COL5A2: variants seen among roughly 807,000 people sequenced by gnomAD.
The protein encoded by COL5A2 is collagen alpha-2(V) chain.
COL5A2 carries 23 observed loss-of-function variants against 208.2 expected under a neutral mutation model. That is an observed-to-expected ratio of 0.11 (90% CI 0.08 to 0.16). COL5A2 has a LOEUF of 0.16. COL5A2 is among the 10% of genes least tolerant of loss of function. The pLI is 1.00. For synonymous variants in COL5A2, 625 were observed against 628.5 expected (o/e 0.99, Z 0.08); for missense variants, 1,590 against 1,956.4 (o/e 0.81, Z 3.53).
At chr2:189,122,910 G>A (rs570891970) in intron 1 of COL5A2, among the ~76,000 whole-genome samples, 60 of 152,274 alleles carry the variant, frequency 3.9e-4, no homozygotes, top group Non-Finnish European at 7.2e-4. Context: ...GTAAAGCCAC[G>A]AGACACTAGG....
At chr2:189,417,159 T>A in the COL5A2 span, among the ~76,000 whole-genome samples, 1 of 152,194 alleles carries the variant, frequency 6.6e-6, no homozygotes, top group African/African-American at 2.4e-5. Context: ...ATTGTTTTGA[T>A]GTTGCGATTA....
chr2:189,125,674 G>T (rs891409005), intron 1 of COL5A2, among the ~76,000 whole-genome samples: 4 of 152,000 alleles, frequency 2.6e-5, no homozygotes, highest in African/African-American at 9.7e-5. Flanking sequence ...TAAGAATACA[G>T]TATATAACAC....
the COL5A2 span, among the ~76,000 whole-genome samples, chr2:189,411,641 G>C: frequency 7.7e-6 from 1 of 129,294 alleles, no homozygotes; most frequent in Non-Finnish European, 1.8e-5. Flanking sequence ...AAGTTATATA[G>C]GTGTTGAATC....
At chr2:189,420,693 C>T in the COL5A2 span, among the ~76,000 whole-genome samples, 1 of 151,602 alleles carries the variant, frequency 6.6e-6, no homozygotes, top group Non-Finnish European at 1.5e-5. Context: ...GAAATCAGAC[C>T]CTCAGTAGAG....
intron 1 of COL5A2, among the ~76,000 whole-genome samples, chr2:189,190,498 C>T (rs578014185): frequency 3.7e-4 from 57 of 152,206 alleles, no homozygotes; most frequent in Non-Finnish European, 6.3e-4. Context: ...ATAATTTATA[C>T]ACATTTATTT....
At chr2:189,240,756 T>C in the COL5A2 span, among the ~76,000 whole-genome samples, 2 of 152,172 alleles carry the variant, frequency 1.3e-5, no homozygotes. Flanking sequence ...TCCAAACCTT[T>C]ACATGTTATT....
the COL5A2 span, among the ~76,000 whole-genome samples, chr2:189,433,020 A>C: frequency 6.6e-6 from 1 of 152,230 alleles, no homozygotes; most frequent in Non-Finnish European, 1.5e-5. Context: ...ACTCAGGATT[A>C]AGAAACTCAC....
the COL5A2 span, among the ~76,000 whole-genome samples, chr2:189,353,151 T>C: frequency 6.6e-6 from 1 of 152,188 alleles, no homozygotes; most frequent in African/African-American, 2.4e-5. Context: ...GGTGTATATA[T>C]CTGTGTTGGT....
Position 189,065,094 on chromosome 2 carries a change from G to A in COL5A2, c.1564-37C>T, listed in dbSNP as rs116376785. On this transcript the variant is annotated intron_variant, in intron 23 of 53. Coordinates refer to ENST00000374866, the MANE Select transcript of COL5A2 (RefSeq NM_000393.5). The stretch of plus-strand genomic sequence containing the variant: ...CAAAATGTGATTCTTAATTGTTGTT[G>A]ATATTTTTGCAATATGTAATGAATA... 1.2e-3 allele frequency: 1,935 copies of A among 1,600,176 alleles called. 23 individuals are homozygous for A. In the African/African-American group the frequency reaches 0.023, roughly 19 times the overall value.
At chr2:189,415,712 T>C in the COL5A2 span, among the ~76,000 whole-genome samples, 2 of 152,152 alleles carry the variant, frequency 1.3e-5, no homozygotes, top group Admixed American at 1.3e-4. Context: ...CAGGCTGGAG[T>C]GCAGTGGCAC....
chr2:189,174,985 C>T (rs1055533627), intron 1 of COL5A2, among the ~76,000 whole-genome samples: 21 of 152,198 alleles, frequency 1.4e-4, no homozygotes, highest in African/African-American at 5.1e-4. Context: ...ACAGTCTACT[C>T]AGTAATGAAC....
intron 6 of COL5A2, 87 bp downstream of exon 6, chr2:189,097,190 T>C: frequency 8.0e-7 from 1 of 1,251,160 alleles, no homozygotes; most frequent in Non-Finnish European, 1.2e-6. Flanking sequence ...AGAGGAATAG[T>C]GCTCCCAGCT....
the COL5A2 span, among the ~76,000 whole-genome samples, chr2:189,382,317 C>T: frequency 2.6e-5 from 4 of 151,780 alleles, no homozygotes; most frequent in Non-Finnish European, 5.9e-5. Context: ...ATGATCATGC[C>T]GCTACACTCC....
At chr2:189,299,151 TA>T in the COL5A2 span, among the ~76,000 whole-genome samples, 55 of 152,336 alleles carry the variant, frequency 3.6e-4, no homozygotes, top group Non-Finnish European at 7.2e-4. Context: ...ATACAACTAA[TA>T]ATTGAATTTT....
the COL5A2 span, among the ~76,000 whole-genome samples, chr2:189,296,872 C>T: frequency 1.3e-5 from 2 of 152,112 alleles, no homozygotes; most frequent in African/African-American, 4.8e-5. Context: ...AAATAGTTGA[C>T]GAGAGTAGGG....
chr2:189,063,067 A>G lies in COL5A2; in HGVS notation c.1870-4T>C. On this transcript the variant is annotated splice_polypyrimidine_tract_variant and splice_region_variant and intron_variant, in intron 27 of 53. Transcript: ENST00000374866. Reference sequence around the variant, plus strand: ...CTCCAGGTTTCCCAGGGTCACCCTAAAGAATAAATGAAACTTTTGTATAAT... The same window carrying G: ...CTCCAGGTTTCCCAGGGTCACCCTAGAGAATAAATGAAACTTTTGTATAAT... 1 of 1,614,186 alleles carries G rather than the reference A, an allele frequency of 6.2e-7. No homozygotes were observed. The highest frequency in any genetic ancestry group is 8.5e-7 in the Non-Finnish European group (1 of 1,179,996).
chr2:189,321,050 C>T, the COL5A2 span, among the ~76,000 whole-genome samples: 61 of 152,284 alleles, frequency 4.0e-4, 1 homozygote, highest in African/African-American at 1.5e-3. Context: ...CCCAGAATTT[C>T]ATATCCAGCC....
Position 189,110,207 on chromosome 2 carries a change from G to T in COL5A2, c.322+18C>A. ...TGAGTAACTGGATCAATTATGAGTT[G>T]GCCCTAAACATTCTTACCAAAATTG... On this transcript the variant is annotated intron_variant, in intron 2 of 53. Coordinates refer to ENST00000374866, the MANE Select transcript of COL5A2 (RefSeq NM_000393.5). 2.0e-6 allele frequency: 3 copies of T among 1,510,470 alleles called. No homozygotes were observed. Among genetic ancestry groups the T allele is most frequent in the African/African-American group, 1.4e-5 (1 of 72,998 alleles). 93.6% of individuals were successfully genotyped at this position (1,510,470 alleles called of 1,614,324 possible). A position where few individuals can be genotyped will look rare whatever the true frequency, so the allele number is the denominator to read the frequency against.
the COL5A2 span, among the ~76,000 whole-genome samples, chr2:189,313,896 A>G: frequency 7.5e-4 from 114 of 152,336 alleles, no homozygotes; most frequent in African/African-American, 2.6e-3. Flanking sequence ...AGAATTAACT[A>G]TCCTAAATAT....
Sources: allele counts gnomAD v4.1 joint callset (sites outside exome capture counted in the v4.1 genomes callset), GRCh38; gene constraint gnomAD v4.1.1; transcripts MANE v1.5; gene names NCBI Gene and HGNC (gene_info 2026-07-23, HGNC 2026-07-21).